Variants in ELL observed in about 807,000 individuals in gnomAD.
The protein encoded by ELL is RNA polymerase II elongation factor ELL.
A neutral mutation model predicts 64.0 loss-of-function variants in ELL; 18 were observed. The observed-to-expected ratio is 0.28, with a 90% CI of 0.19 to 0.42. The LOEUF (loss-of-function observed/expected upper bound fraction) is 0.42. Ranked by LOEUF, ELL falls within the 10% of genes least tolerant of loss-of-function variation. The pLI is 1.00. For synonymous variants in ELL, 399 were observed against 376.2 expected (o/e 1.06, Z -0.70); for missense variants, 797 against 870.4 (o/e 0.92, Z 1.06).
intron 1 of ELL, among the ~76,000 whole-genome samples, chr19:18,497,919 G>A (rs1468283231): frequency 2.0e-5 from 3 of 151,560 alleles, no homozygotes; most frequent in African/African-American, 7.3e-5. Flanking sequence ...GCCTGAGGTC[G>A]GGAGTTCGAG....
intron 6 of ELL, among the ~76,000 whole-genome samples, chr19:18,451,957 G>A (rs578124730): frequency 6.6e-5 from 10 of 152,344 alleles, no homozygotes; most frequent in African/African-American, 2.4e-4. Context: ...AAAGACAGCT[G>A]TTCATCCTGT....
chr19:18,509,599 A>AGCGCGCGCGCG (rs1568399753), intron 1 of ELL, among the ~76,000 whole-genome samples: 23 of 9,532 alleles, frequency 2.4e-3, no homozygotes, highest in Admixed American at 5.8e-3. Context: ...GCGCGCACAT[A>AGCGCGCGCGCG]CACACACACA....
In ELL at chr19:18,451,555, T is replaced by C. The variant is rs1019582188; in HGVS notation, c.963A>G (p.Pro321=). ...PGERGRSASP[P]QKRLQPPDFI... ...ACCCCAGGCATGCCTCACTTACCTGTGGGGGCGAGGCCGAGCGCCCACGCT... is the reference window on the plus strand; with the variant it reads ...ACCCCAGGCATGCCTCACTTACCTGCGGGGGCGAGGCCGAGCGCCCACGCT... Residue 321 remains proline, a synonymous_variant, in exon 7 of 12, where the codon CCA becomes CCG. Coordinates refer to ENST00000262809, the MANE Select transcript of ELL (RefSeq NM_006532.4). 11 of 1,409,570 alleles carry C rather than the reference T, an allele frequency of 7.8e-6. No homozygotes were observed. Among genetic ancestry groups the C allele is most frequent in the Non-Finnish European group, 9.3e-6 (10 of 1,078,274 alleles). The allele number at this position is 1,409,570 out of a possible 1,614,324, so 87.3% of individuals were successfully genotyped here.
intron 10 of ELL, 94 bp downstream of exon 10, chr19:18,446,214 TG>T: frequency 1.1e-6 from 1 of 925,588 alleles, no homozygotes; most frequent in Non-Finnish European, 1.5e-6. Context: ...GGCCAGACTC[TG>T]GGGCCACCAA....
At chr19:18,494,251 G>A (rs1464816151) in intron 1 of ELL, among the ~76,000 whole-genome samples, 2 of 151,884 alleles carry the variant, frequency 1.3e-5, no homozygotes, top group Non-Finnish European at 2.9e-5. Flanking sequence ...AAAGAGGGGA[G>A]GGGAAGGGGA....
At chr19:18,452,904 G>A (rs79257623) in intron 6 of ELL, among the ~76,000 whole-genome samples, 22,055 of 152,220 alleles carry the variant, frequency 0.14, 1,694 homozygotes, top group South Asian at 0.2. Context: ...GGCAACAAAC[G>A]TCAGACCTCA....
In ELL at chr19:18,460,063, C is replaced by T. The variant is rs868448288; in HGVS notation, c.744+1515G>A. On this transcript the variant is annotated intron_variant, in intron 5 of 11. Transcript: ENST00000262809. ...CCCCTCCCCTTGAAGGATAGGCTTG[C>T]GGGTTTCCCTGGGGCTCAGCCAGTC... Among the ~76,000 whole-genome samples, 10 of 152,312 alleles carry T rather than the reference C, an allele frequency of 6.6e-5. 1 individual carries two copies. The highest frequency in any genetic ancestry group is 3.4e-3 in the Middle Eastern group (1 of 294).
rs1284222882 is a variant in ELL at position 18,443,289 on chromosome 19, GGA to G, written c.*1461_*1462del. On this transcript the variant is annotated 3_prime_UTR_variant, in exon 12 of 12. Transcript: ENST00000262809. ...GCTCTGGGAACCCGGGGGTCCCAAA[GGA>G]GAGAGACTCTCGGGCAGGGGTGGGA... 2 of 233,136 alleles carry G rather than the reference GGA, an allele frequency of 8.6e-6. No individual in the cohort carries two copies. The highest frequency in any genetic ancestry group is 6.0e-5 in the East Asian group (1 of 16,560). 14.4% of individuals were successfully genotyped at this position (233,136 alleles called of 1,614,324 possible). A position where few individuals can be genotyped will look rare whatever the true frequency, so the allele number is the denominator to read the frequency against.
intron 10 of ELL, 34 bp downstream of exon 10, chr19:18,446,275 A>G: frequency 6.6e-7 from 1 of 1,518,470 alleles, no homozygotes; most frequent in Non-Finnish European, 8.8e-7. Context: ...CTCCCGCCAG[A>G]GCCAGGGCAC....
intron 1 of ELL, among the ~76,000 whole-genome samples, chr19:18,516,094 G>A (rs1294247541): frequency 2.0e-5 from 3 of 152,114 alleles, no homozygotes; most frequent in Admixed American, 6.5e-5. Flanking sequence ...TGCCCACCGG[G>A]AAGGGAAGAT....
intron 1 of ELL, among the ~76,000 whole-genome samples, chr19:18,485,236 C>T (rs1975384572): frequency 6.6e-6 from 1 of 152,212 alleles, no homozygotes; most frequent in African/African-American, 2.4e-5. Context: ...GGGCTCTCCT[C>T]TCCCCAGGAG....
chr19:18,506,079 A>G (rs1007016349), intron 1 of ELL, among the ~76,000 whole-genome samples: 2 of 152,194 alleles, frequency 1.3e-5, no homozygotes, highest in African/African-American at 4.8e-5. Context: ...CTCTGCACCT[A>G]GGCCCACTGA....
chr19:18,514,849 C>T (rs975733964), intron 1 of ELL, among the ~76,000 whole-genome samples: 20 of 152,216 alleles, frequency 1.3e-4, no homozygotes, highest in Non-Finnish European at 2.9e-5. Flanking sequence ...AGGCTGATGC[C>T]CCCTGAGAAG....
chr19:18,511,903 T>C (rs1269175676), intron 1 of ELL, among the ~76,000 whole-genome samples: 1 of 151,222 alleles, frequency 6.6e-6, no homozygotes, highest in Non-Finnish European at 1.5e-5. Flanking sequence ...ACGCCTGTAA[T>C]CCCAGCACTC....
At chr19:18,456,402 G>T (rs748609119) in intron 6 of ELL, among the ~76,000 whole-genome samples, 1 of 152,132 alleles carries the variant, frequency 6.6e-6, no homozygotes, top group Non-Finnish European at 1.5e-5. Flanking sequence ...ATCAACCGCC[G>T]GCTCAGCAGG....
intron 1 of ELL, among the ~76,000 whole-genome samples, chr19:18,478,562 G>A (rs1315990371): frequency 6.6e-6 from 1 of 152,208 alleles, no homozygotes; most frequent in East Asian, 1.9e-4. Flanking sequence ...GAGCTCCTGA[G>A]ATACAAAGTC....
intron 1 of ELL, among the ~76,000 whole-genome samples, chr19:18,508,756 C>T (rs1308071284): frequency 6.6e-6 from 1 of 152,244 alleles, no homozygotes; most frequent in Non-Finnish European, 1.5e-5. Flanking sequence ...CGTCACAGGG[C>T]AAGAGCAGCC....
intron 5 of ELL, among the ~76,000 whole-genome samples, chr19:18,459,815 C>G (rs557185621): frequency 6.9e-6 from 1 of 144,742 alleles, no homozygotes; most frequent in African/African-American, 2.6e-5. Flanking sequence ...CGTGAGCCAC[C>G]GCGCCCGGCC....
chr19:18,473,187 A>G, intron 1 of ELL: 1 of 637,272 alleles, frequency 1.6e-6, no homozygotes, highest in South Asian at 1.5e-5. Context: ...GGAGTGTGCC[A>G]TCCTTGGAAA....
Sources: allele counts gnomAD v4.1 joint callset (sites outside exome capture counted in the v4.1 genomes callset), GRCh38; gene constraint gnomAD v4.1.1; transcripts MANE v1.5; gene names NCBI Gene and HGNC (gene_info 2026-07-23, HGNC 2026-07-21).